Variants in TTLL8 observed in about 807,000 individuals in gnomAD.
TTLL8 encodes tubulin tyrosine ligase like 8.
Under a neutral mutation model 77.8 loss-of-function variants are expected in TTLL8, and 65 were observed. That is an observed-to-expected ratio of 0.84 (90% CI 0.68 to 1.03). The LOEUF (loss-of-function observed/expected upper bound fraction) is 1.03, where lower values mean the gene tolerates loss of function less well. Among genes scored for constraint, TTLL8 ranks in the 50% least tolerant of loss-of-function variants. The pLI is 0.00. For synonymous variants in TTLL8, 402 were observed against 422.8 expected, an observed-to-expected ratio of 0.95 and a Z score of 0.60; for missense variants, 910 against 1,004.5, an observed-to-expected ratio of 0.91 and a Z score of 1.27.
intron 8 of TTLL8, among the ~76,000 whole-genome samples, chr22:50,040,989 G>C (rs2061366904): frequency 6.6e-6 from 1 of 152,206 alleles, no homozygotes; most frequent in Non-Finnish European, 1.5e-5. Context: ...GTGATGATGA[G>C]AGTCAGCGAG....
intron 2 of TTLL8, among the ~76,000 whole-genome samples, chr22:50,049,856 G>A (rs760903174): frequency 5.9e-5 from 9 of 152,262 alleles, no homozygotes; most frequent in South Asian, 2.1e-4. Context: ...GAAACCGCCC[G>A]GGCAGGAGGA....
chr22:50,026,006 C>G (rs1022129895), intron 12 of TTLL8, among the ~76,000 whole-genome samples: 1 of 152,156 alleles, frequency 6.6e-6, no homozygotes, highest in South Asian at 2.1e-4. Context: ...TCCTTCATGA[C>G]GTAGTGGTGC....
At chr22:50,026,701 C>T (rs368347232) in intron 12 of TTLL8, among the ~76,000 whole-genome samples, 69 of 152,330 alleles carry the variant, frequency 4.5e-4, no homozygotes, top group African/African-American at 1.6e-3. Context: ...ACACATGTGA[C>T]AATCCATCAA....
At chr22:50,053,565 TATGTTTATAA>T (rs1446094914) in intron 1 of TTLL8, among the ~76,000 whole-genome samples, 1 of 152,190 alleles carries the variant, frequency 6.6e-6, no homozygotes. Context: ...TTAAAACATT[TATGTTTATAA>T]ATGTTTATAC....
upstream of TTLL8, chr22:50,055,014 C>G (rs1022815820): frequency 2.4e-6 from 1 of 411,774 alleles, no homozygotes. Flanking sequence ...AAGCTGAGAT[C>G]GTGCCACTGC....
At chr22:50,039,135 T>C (rs1042555655) in intron 8 of TTLL8, among the ~76,000 whole-genome samples, 5 of 152,244 alleles carry the variant, frequency 3.3e-5, no homozygotes, top group African/African-American at 9.6e-5. Flanking sequence ...TTTACTTTTT[T>C]CAAGTTTTGA....
chr22:50,054,722 G>A, upstream of TTLL8: 1 of 176,326 alleles, frequency 5.7e-6, no homozygotes, highest in Non-Finnish European at 1.4e-5. Flanking sequence ...CTTGGTGGGA[G>A]GCAGAGAAGC....
At chr22:50,032,356 G>A (rs573367885) in intron 10 of TTLL8, among the ~76,000 whole-genome samples, 2 of 152,228 alleles carry the variant, frequency 1.3e-5, no homozygotes, top group South Asian at 2.1e-4. Context: ...AGAAATGGGC[G>A]CTGGCAGGGG....
chr22:50,030,585 C>G, exon 12 of TTLL8: 1 of 1,301,534 alleles, frequency 7.7e-7, no homozygotes, highest in Non-Finnish European at 1.0e-6. Context: ...GTCCACGTGG[C>G]GACAGGGGCA....
chr22:50,055,389 C>T (rs1601941888), upstream of TTLL8: 1 of 1,229,230 alleles, frequency 8.1e-7, no homozygotes, highest in Non-Finnish European at 1.1e-6. Flanking sequence ...CACGGTGGCT[C>T]ATGCCTGTAA....
At chr22:50,023,549 G>A (rs2061216067) in intron 12 of TTLL8, among the ~76,000 whole-genome samples, 2 of 152,028 alleles carry the variant, frequency 1.3e-5, no homozygotes, top group South Asian at 4.1e-4. Flanking sequence ...GCTGGGCGTG[G>A]TAGTGTGCGC....
In TTLL8 at chr22:50,049,246, T is replaced by C; in HGVS notation, c.264+3A>G. ...CTGACCATGACGCATGCAGGGGACG[T>C]ACCATCACGTCGTGGATGTTGTCTG... is the stretch of plus-strand genomic sequence containing the variant. On this transcript the variant is annotated splice_donor_region_variant and intron_variant, in intron 3 of 13. Coordinates refer to ENST00000266182, the Ensembl canonical transcript of TTLL8. The C allele has an allele frequency of 7.3e-7, 1 of 1,367,676 alleles. No individual in the cohort carries two copies. Among genetic ancestry groups the C allele is most frequent in the African/African-American group, 1.5e-5 (1 of 67,886 alleles). 84.7% of individuals were successfully genotyped at this position (1,367,676 alleles called of 1,614,324 possible).
upstream of TTLL8, among the ~76,000 whole-genome samples, chr22:50,056,571 G>A (rs140879273): frequency 2.2e-3 from 337 of 152,282 alleles, 1 homozygote; most frequent in African/African-American, 7.6e-3. This position sits in a 1 kb window ranked among gnomAD's most constrained non-coding sequence, Gnocchi z 4.1. Context: ...AGAGAGAGGC[G>A]AGTGCAGGGC....
intron 12 of TTLL8, chr22:50,027,736 C>T (rs746318003): frequency 6.1e-6 from 6 of 985,286 alleles, no homozygotes; most frequent in African/African-American, 3.5e-5. Context: ...AGCAACGGTG[C>T]GGTTGCCTGA....
intron 12 of TTLL8, among the ~76,000 whole-genome samples, chr22:50,022,240 G>A (rs1313811964): frequency 3.4e-5 from 5 of 146,984 alleles, no homozygotes; most frequent in Non-Finnish European, 7.4e-5. Flanking sequence ...TCCTCCTTCT[G>A]ACAATGTGTA....
At position 50,041,499 on chromosome 22, in the gene TTLL8, A is replaced by T; in HGVS notation, c.830+122T>A. 8.2e-7 allele frequency: 1 copy of T among 1,212,488 alleles called. No homozygotes were observed. Among genetic ancestry groups the T allele is most frequent in the Non-Finnish European group, 1.1e-6 (1 of 948,174 alleles). 75.1% of individuals were successfully genotyped at this position (1,212,488 alleles called of 1,614,324 possible). On this transcript the variant is annotated intron_variant, in intron 7 of 13. Transcript: ENST00000266182. This position sits in a 1 kb window ranked among gnomAD's most constrained non-coding sequence, Gnocchi z 4.3. The stretch of plus-strand genomic sequence containing the variant: ...CAGGACAGGCATCTCAACACTCAAT[A>T]CCCCACAGGTAGCCTAATGCCCAGA...
At chr22:50,030,557 G>T in exon 12 of TTLL8, 2 of 1,315,692 alleles carry the variant, frequency 1.5e-6, no homozygotes, top group Non-Finnish European at 2.0e-6. Flanking sequence ...CGGGGACACC[G>T]GTGTTTGGGG....
In TTLL8 at chr22:50,044,714, G is replaced by A. The variant is rs2061397385; in HGVS notation, c.643+541C>T. Among the ~76,000 whole-genome samples the A allele has an allele frequency of 6.6e-6, 1 of 152,174 alleles. No homozygotes were observed. The highest frequency in any genetic ancestry group is 1.5e-5 in the Non-Finnish European group (1 of 68,038). ...GGAGGCGCGGGGGCAGGAGAGTGTG[G>A]TAAATCTTGTACCCTCTGCTCAGCT... On this transcript the variant is annotated intron_variant, in intron 6 of 13. Coordinates refer to ENST00000266182, the Ensembl canonical transcript of TTLL8. The surrounding 1 kb of genome is among the most constrained non-coding windows in gnomAD (Gnocchi z 4.2).
chr22:50,030,664 C>T, exon 12 of TTLL8: 2 of 1,280,264 alleles, frequency 1.6e-6, no homozygotes, highest in Non-Finnish European at 2.0e-6. Flanking sequence ...CTCTCGGCTG[C>T]CCCCCTTAAG....
Sources: gnomAD v4.1 joint callset for allele counts (sites outside exome capture counted in the v4.1 genomes callset) on GRCh38, gnomAD v4.1.1 for gene constraint, Gnocchi (gnomAD v3.1) non-coding constraint, MANE v1.5 for transcripts, NCBI Gene and HGNC (gene_info 2026-07-23, HGNC 2026-07-21) for gene names.